The following SMOC1 variants were observed in gnomAD, a reference collection of about 807,000 sequenced individuals.
SMOC1 encodes SPARC related modular calcium binding 1.
Under a neutral mutation model 56.3 loss-of-function variants are expected in SMOC1, and 22 were observed. That is an observed-to-expected ratio of 0.39 (90% CI 0.28 to 0.56). The LOEUF (loss-of-function observed/expected upper bound fraction) is 0.56. Ranked by LOEUF, SMOC1 falls within the 20% of genes least tolerant of loss-of-function variation. The pLI, the probability that SMOC1 is intolerant of heterozygous loss-of-function variation, is 0.61. For synonymous variants in SMOC1, 193 were observed against 215.0 expected (o/e 0.90, Z 0.89); for missense variants, 509 against 565.4 (o/e 0.90, Z 1.01).
intron 1 of SMOC1, among the ~76,000 whole-genome samples, chr14:69,950,764 G>C (rs988448690): frequency 1.3e-5 from 2 of 152,194 alleles, no homozygotes; most frequent in African/African-American, 2.4e-5. Context: ...ACTGTATTCT[G>C]TTGTTGTTAA....
At position 70,023,392 on chromosome 14, in the gene SMOC1, A is replaced by T; in HGVS notation, c.1236A>T (p.Lys412Asn). ...RRFTDYCDLN[K>N]DKVISLPELK... Reference sequence around the variant, plus strand: ...TCACCGACTACTGTGACCTGAACAAAGACAAGGTCATTTCACTGCCTGAGC... The same window carrying T: ...TCACCGACTACTGTGACCTGAACAATGACAAGGTCATTTCACTGCCTGAGC... Residue 412 changes from lysine to asparagine, a missense_variant, in exon 11 of 12, where the codon AAA (lysine) becomes AAT (asparagine). Lys to Asn is a moderately conservative substitution (Grantham distance 94, BLOSUM62 0). This residue lies in a region of SMOC1 where 176 missense variants were observed against 188.1 expected (regional missense o/e 0.94). Coordinates refer to ENST00000361956, the MANE Select transcript of SMOC1 (RefSeq NM_001034852.3). 1.2e-6 allele frequency: 2 copies of T among 1,614,130 alleles called. No homozygotes were observed. The highest frequency in any genetic ancestry group is 2.2e-5 in the South Asian group (2 of 91,064).
intron 1 of SMOC1, among the ~76,000 whole-genome samples, chr14:69,919,915 C>T (rs1016202272): frequency 4.0e-5 from 6 of 149,678 alleles, no homozygotes; most frequent in African/African-American, 7.4e-5. Context: ...CAAATACCCC[C>T]CCCCCCCTTT....
At chr14:69,952,820 C>T (rs1050936331) in intron 2 of SMOC1, among the ~76,000 whole-genome samples, 2 of 152,224 alleles carry the variant, frequency 1.3e-5, no homozygotes, top group African/African-American at 2.4e-5. Context: ...ACCTGCATAA[C>T]AGCTACCGCT....
At chr14:69,933,186 T>C (rs1263419080) in intron 1 of SMOC1, among the ~76,000 whole-genome samples, 1 of 152,254 alleles carries the variant, frequency 6.6e-6, no homozygotes, top group African/African-American at 2.4e-5. Flanking sequence ...ACTCTTTTAC[T>C]TCAACCCAGT....
intron 1 of SMOC1, among the ~76,000 whole-genome samples, chr14:69,936,876 CT>C (rs1171402826): frequency 9.2e-5 from 14 of 152,120 alleles, no homozygotes. Context: ...TTGTCTTTCT[CT>C]TTTTCTGTCT....
At chr14:69,905,180 CAT>C (rs1884374464) in intron 1 of SMOC1, among the ~76,000 whole-genome samples, 1 of 152,048 alleles carries the variant, frequency 6.6e-6, no homozygotes, top group Non-Finnish European at 1.5e-5. Flanking sequence ...ACACATAGGA[CAT>C]AGGGGCTGAG....
At chr14:69,908,167 A>T (rs557724498) in intron 1 of SMOC1, among the ~76,000 whole-genome samples, 1 of 152,292 alleles carries the variant, frequency 6.6e-6, no homozygotes, top group East Asian at 1.9e-4. Context: ...GTAAAACATC[A>T]TATTGTAGAG....
chr14:69,922,290 A>T (rs1162756552), intron 1 of SMOC1, among the ~76,000 whole-genome samples: 1 of 152,248 alleles, frequency 6.6e-6, no homozygotes, highest in African/African-American at 2.4e-5. Context: ...AGCGAGCCCA[A>T]TAAACAGTGG....
At chr14:69,962,818 C>T (rs1179528221) in intron 3 of SMOC1, among the ~76,000 whole-genome samples, 1 of 152,112 alleles carries the variant, frequency 6.6e-6, no homozygotes, top group Non-Finnish European at 1.5e-5. Flanking sequence ...CTCAAGCAAT[C>T]TGCCTGTCTT....
chr14:69,911,103 C>T lies in SMOC1; in HGVS notation c.99+31326C>T, dbSNP rs917837262. ...AATGTTTATGCAGTGGCCTGTATGGCGCAGCATACAATATAGCTATTGTTC... is the reference window on the plus strand; with the variant it reads ...AATGTTTATGCAGTGGCCTGTATGGTGCAGCATACAATATAGCTATTGTTC... On this transcript the variant is annotated intron_variant, in intron 1 of 11. Coordinates refer to ENST00000361956, the MANE Select transcript of SMOC1 (RefSeq NM_001034852.3). 7.9e-5 allele frequency among the ~76,000 whole-genome samples: 12 copies of T among 152,248 alleles called. No homozygotes were observed. The South Asian group carries it at 1.7e-3, about 21-fold the overall frequency.
chr14:70,010,245 G>A (rs758746870), intron 7 of SMOC1, among the ~76,000 whole-genome samples: 24 of 152,200 alleles, frequency 1.6e-4, no homozygotes, highest in Non-Finnish European at 2.9e-4. Context: ...CTCCTCCTGG[G>A]TGCCGAGCAT....
At chr14:69,908,488 C>G (rs2475400) in intron 1 of SMOC1, among the ~76,000 whole-genome samples, 1 of 152,114 alleles carries the variant, frequency 6.6e-6, no homozygotes, top group Non-Finnish European at 1.5e-5. Context: ...TTCTTGGTGG[C>G]TGCTGTGCTG....
At chr14:69,959,498 GT>G (rs1883297746) in intron 3 of SMOC1, among the ~76,000 whole-genome samples, 1 of 152,234 alleles carries the variant, frequency 6.6e-6, no homozygotes, top group South Asian at 2.1e-4. Flanking sequence ...TTACTTCTGT[GT>G]GGAAAAAAAT....
At chr14:69,918,145 A>G (rs1884735211) in intron 1 of SMOC1, among the ~76,000 whole-genome samples, 1 of 152,164 alleles carries the variant, frequency 6.6e-6, no homozygotes, top group Admixed American at 6.5e-5. Context: ...CTACTCTCTT[A>G]GTAACTTTCA....
intron 7 of SMOC1, among the ~76,000 whole-genome samples, chr14:70,006,986 G>C (rs570769378): frequency 6.6e-6 from 1 of 152,350 alleles, no homozygotes; most frequent in East Asian, 1.9e-4. Flanking sequence ...TCCACGTGGA[G>C]GGGTCCACAC....
At chr14:70,029,023 A>G (rs1458386886) in intron 11 of SMOC1, among the ~76,000 whole-genome samples, 1 of 152,156 alleles carries the variant, frequency 6.6e-6, no homozygotes, top group Non-Finnish European at 1.5e-5. Context: ...TCTGAGAGGG[A>G]GGCAGAGCAG....
chr14:69,904,164 G>A (rs1399014693), intron 1 of SMOC1, among the ~76,000 whole-genome samples: 3 of 152,268 alleles, frequency 2.0e-5, no homozygotes, highest in South Asian at 4.1e-4. Context: ...TAATAAATTC[G>A]CTGATAAATT....
At chr14:69,900,200 C>T (rs962130367) in intron 1 of SMOC1, among the ~76,000 whole-genome samples, 14 of 152,132 alleles carry the variant, frequency 9.2e-5, no homozygotes, top group Admixed American at 7.2e-4. Context: ...ACCTGTGCCT[C>T]CTAGAGCCAG....
chr14:69,946,644 C>G lies in SMOC1; in HGVS notation c.100-5494C>G, dbSNP rs371502833. Reference sequence around the variant, plus strand: ...CCTGCCCAATCCCCCAAATTTCCACCAACCGTGATTGCTCCTGAGCGACTC... The same window carrying G: ...CCTGCCCAATCCCCCAAATTTCCACGAACCGTGATTGCTCCTGAGCGACTC... On this transcript the variant is annotated intron_variant, in intron 1 of 11. Transcript: ENST00000361956. Among the ~76,000 whole-genome samples, 146 of 152,280 alleles carry G rather than the reference C, an allele frequency of 9.6e-4. 3 individuals are homozygous for G. The South Asian group carries it at 0.029, about 30-fold the overall frequency.
Sources: allele counts gnomAD v4.1 joint callset (sites outside exome capture counted in the v4.1 genomes callset), GRCh38; gene constraint gnomAD v4.1.1; regional missense constraint gnomAD v4.1.1; transcripts MANE v1.5; gene names NCBI Gene and HGNC (gene_info 2026-07-23, HGNC 2026-07-21).